The following AGPAT3 variants were observed in gnomAD, a reference collection of about 807,000 sequenced individuals.
AGPAT3 encodes the protein 1-acyl-sn-glycerol-3-phosphate acyltransferase gamma.
AGPAT3 carries 5 observed loss-of-function variants against 47.3 expected under a neutral mutation model. The ratio of observed to expected loss-of-function variants is 0.11; its 90% confidence interval spans 0.06 to 0.22. The LOEUF is 0.22. Among genes scored for constraint, AGPAT3 ranks in the 10% least tolerant of loss-of-function variants. The probability of loss-of-function intolerance (pLI) is 1.00; values close to 1 mark genes in which losing one functional copy is unlikely to be tolerated. For missense variants in AGPAT3, 315 were observed against 493.0 expected (o/e 0.64, Z 3.42); for synonymous variants, 212 against 208.3 (o/e 1.02, Z -0.15).
chr21:43,928,696 T>C (rs142171210), intron 2 of AGPAT3, among the ~76,000 whole-genome samples: 1 of 152,366 alleles, frequency 6.6e-6, no homozygotes, highest in African/African-American at 2.4e-5. Flanking sequence ...TCACTTTCCA[T>C]GTAGGAGTTT....
rs78934178 is a variant in AGPAT3 at position 43,974,836 on chromosome 21, C to A, written c.768-3210C>A. 6.6e-3 allele frequency among the ~76,000 whole-genome samples: 1,004 copies of A among 152,280 alleles called. 63 individuals are homozygous for A. In the East Asian group the frequency reaches 0.16, roughly 24 times the overall value. On this transcript the variant is annotated intron_variant, in intron 7 of 9. Transcript: ENST00000291572. ...CTCACTGTAGACAAAGAAGCCTCTG[C>A]GCCTCGGTTGTTCCTCACATGGCGT...
chr21:43,911,534 T>C (rs544179400), intron 2 of AGPAT3, among the ~76,000 whole-genome samples: 4 of 152,372 alleles, frequency 2.6e-5, no homozygotes, highest in Non-Finnish European at 4.4e-5. Flanking sequence ...GCCGCCTCGC[T>C]GGAAGGCAGA....
chr21:43,890,411 C>G (rs2086077248), intron 1 of AGPAT3, among the ~76,000 whole-genome samples: 1 of 151,956 alleles, frequency 6.6e-6, no homozygotes, highest in Non-Finnish European at 1.5e-5. Flanking sequence ...TATAAATTAC[C>G]CGGTCTCAAT....
intron 5 of AGPAT3, among the ~76,000 whole-genome samples, chr21:43,969,906 C>T (rs1454064203): frequency 6.6e-6 from 1 of 152,094 alleles, no homozygotes; most frequent in Non-Finnish European, 1.5e-5. Context: ...ACCATGTTGG[C>T]CAGGCTGGTC....
Position 43,939,213 on chromosome 21 carries a change from G to T in AGPAT3, c.-48-20421G>T, listed in dbSNP as rs1456253941. Among the ~76,000 whole-genome samples the T allele has an allele frequency of 6.6e-6, 1 of 152,150 alleles. No homozygotes were observed. The highest frequency in any genetic ancestry group is 1.5e-5 in the Non-Finnish European group (1 of 68,020). On this transcript the variant is annotated intron_variant, in intron 2 of 9. Transcript: ENST00000291572. This position sits in a 1 kb window ranked among gnomAD's most constrained non-coding sequence, Gnocchi z 4.4. ...CCGTGACCCTGAGCGAGAATGCACT[G>T]GCCGGGCCTCCAGGGGGCGCTCCCT... is the stretch of plus-strand genomic sequence containing the variant.
At chr21:43,949,328 G>T (rs542828195) in intron 2 of AGPAT3, among the ~76,000 whole-genome samples, 9 of 152,306 alleles carry the variant, frequency 5.9e-5, no homozygotes, top group Non-Finnish European at 1.3e-4. Context: ...TTCTTCTGCT[G>T]GTTTCCCCTG....
At chr21:43,943,777 G>GATGGCAGTAGTGGCAGCTTATTACCAC (rs1358688335) in intron 2 of AGPAT3, among the ~76,000 whole-genome samples, 3 of 152,234 alleles carry the variant, frequency 2.0e-5, no homozygotes, top group Non-Finnish European at 4.4e-5. Context: ...TAGGGTGGGC[G>GATGGCAGTAGTGGCAGCTTATTACCAC]ATGGCAGTAG....
intron 1 of AGPAT3, among the ~76,000 whole-genome samples, chr21:43,876,884 A>T (rs2123547076): frequency 6.6e-6 from 1 of 152,104 alleles, no homozygotes; most frequent in Non-Finnish European, 1.5e-5. Flanking sequence ...TTTGAGACAA[A>T]GTCTCACTCT....
In AGPAT3 at chr21:43,970,571, C is replaced by T. The variant is rs1256245089; in HGVS notation, c.511-82C>T. The T allele has an allele frequency of 2.7e-6, 4 of 1,473,876 alleles. No homozygotes were observed. Among genetic ancestry groups the T allele is most frequent in the Non-Finnish European group, 3.7e-6 (4 of 1,077,128 alleles). The allele number at this position is 1,473,876 out of a possible 1,614,324, so 91.3% of individuals were successfully genotyped here. On this transcript the variant is annotated intron_variant, in intron 5 of 9. Transcript: ENST00000291572. The surrounding 1 kb of genome is among the most constrained non-coding windows in gnomAD (Gnocchi z 5.8). ...CAAATTCAGCCACAACCTTTGCTGC[C>T]TGTCAGAGAGGCAGGCCTGGCCTGG...
At chr21:43,910,013 G>A (rs1226774526) in intron 2 of AGPAT3, among the ~76,000 whole-genome samples, 1 of 152,182 alleles carries the variant, frequency 6.6e-6, no homozygotes, top group East Asian at 1.9e-4. Context: ...GCATCCTGGG[G>A]AAGTGAGGCA....
intron 2 of AGPAT3, among the ~76,000 whole-genome samples, chr21:43,928,027 C>T (rs547291818): frequency 6.6e-6 from 1 of 152,338 alleles, no homozygotes; most frequent in South Asian, 2.1e-4. Flanking sequence ...CCTGTTGCAT[C>T]CTGGCAGGGC....
intron 2 of AGPAT3, among the ~76,000 whole-genome samples, chr21:43,936,452 C>T (rs1601354072): frequency 6.6e-6 from 1 of 152,268 alleles, no homozygotes; most frequent in Non-Finnish European, 1.5e-5. Flanking sequence ...GCCACAGTGC[C>T]TCCCTCCGGA....
At position 43,904,498 on chromosome 21, in the gene AGPAT3, A is replaced by G. The variant is rs1601262494; in HGVS notation, c.-49+479A>G. ...CACAATCCCCGTGGGGAGCCCAGCT[A>G]TCTGTTGCTGGAGGGTGCTCTGCTC... On this transcript the variant is annotated intron_variant, in intron 2 of 9. Coordinates refer to ENST00000291572, the MANE Select transcript of AGPAT3 (RefSeq NM_020132.5). Among the ~76,000 whole-genome samples the G allele has an allele frequency of 2.0e-5, 3 of 152,014 alleles. No homozygotes were observed. The South Asian group carries it at 6.2e-4, about 32-fold the overall frequency.
intron 2 of AGPAT3, among the ~76,000 whole-genome samples, chr21:43,957,317 G>A (rs1201661519): frequency 6.6e-6 from 1 of 152,198 alleles, no homozygotes; most frequent in African/African-American, 2.4e-5. Flanking sequence ...GGGGGCAGCT[G>A]GCGGTGTGGA....
chr21:43,897,562 A>T (rs76090209), intron 1 of AGPAT3, among the ~76,000 whole-genome samples: 1 of 138,568 alleles, frequency 7.2e-6, no homozygotes, highest in Non-Finnish European at 1.5e-5. Context: ...GCGGCCGGGC[A>T]GAGGCGCTCC....
At chr21:43,869,066 A>G (rs1478273790) in intron 1 of AGPAT3, among the ~76,000 whole-genome samples, 1 of 152,206 alleles carries the variant, frequency 6.6e-6, no homozygotes, top group Non-Finnish European at 1.5e-5. Context: ...AACACTTTTC[A>G]CTTGTAGAAG....
chr21:43,968,158 C>T, intron 4 of AGPAT3, 43 bp downstream of exon 4: 1 of 1,597,072 alleles, frequency 6.3e-7, no homozygotes, highest in Non-Finnish European at 8.5e-7. Context: ...GCAGGAGGGT[C>T]CCGGGGAGGG....
intron 2 of AGPAT3, among the ~76,000 whole-genome samples, chr21:43,946,489 A>G (rs1292308699): frequency 6.6e-6 from 1 of 152,010 alleles, no homozygotes; most frequent in African/African-American, 2.4e-5. Flanking sequence ...AATCCCAGCT[A>G]CTTGGGAGGC....
At chr21:43,938,626 C>T (rs1452950903) in intron 2 of AGPAT3, among the ~76,000 whole-genome samples, 1 of 152,174 alleles carries the variant, frequency 6.6e-6, no homozygotes, top group Non-Finnish European at 1.5e-5. Context: ...GACACTAACT[C>T]CAGCCCTATA....
Sources: gnomAD v4.1 joint callset for allele counts (sites outside exome capture counted in the v4.1 genomes callset) on GRCh38, gnomAD v4.1.1 for gene constraint, Gnocchi (gnomAD v3.1) non-coding constraint, MANE v1.5 for transcripts, NCBI Gene and HGNC (gene_info 2026-07-23, HGNC 2026-07-21) for gene names.